PDE4D: variants seen among roughly 807,000 people sequenced by gnomAD.
The protein encoded by PDE4D is phosphodiesterase 4D.
PDE4D carries 24 observed loss-of-function variants against 87.4 expected under a neutral mutation model. The observed-to-expected ratio is 0.27, with a 90% CI of 0.20 to 0.39. The LOEUF (loss-of-function observed/expected upper bound fraction) is 0.39, where lower values mean the gene tolerates loss of function less well. Among genes scored for constraint, PDE4D ranks in the 10% least tolerant of loss-of-function variants. The probability of loss-of-function intolerance (pLI) is 1.00; values close to 1 mark genes in which losing one functional copy is unlikely to be tolerated. For missense variants in PDE4D, 714 were observed against 1,041.0 expected, an observed-to-expected ratio of 0.69 and a Z score of 4.32; for synonymous variants, 384 against 383.2, an observed-to-expected ratio of 1.00 and a Z score of -0.02.
intron 6 of PDE4D, among the ~76,000 whole-genome samples, chr5:58,997,081 C>T (rs187832050): frequency 7.9e-4 from 120 of 152,280 alleles, no homozygotes; most frequent in African/African-American, 2.3e-3. Flanking sequence ...GCAATTACTT[C>T]TCTACTCTAG....
chr5:60,049,968 G>A (rs992350854), intron 2 of PDE4D, among the ~76,000 whole-genome samples: 10 of 152,078 alleles, frequency 6.6e-5, no homozygotes, highest in East Asian at 1.9e-4. Context: ...CCCCAGCCTC[G>A]CTGCCACCTT....
chr5:60,068,255 C>T (rs1032226116), intron 2 of PDE4D, among the ~76,000 whole-genome samples: 1 of 152,016 alleles, frequency 6.6e-6, no homozygotes, highest in Admixed American at 6.6e-5. Context: ...TTAACAGTAG[C>T]CATTCTACTA....
intron 1 of PDE4D, among the ~76,000 whole-genome samples, chr5:59,570,046 C>T (rs887212799): frequency 2.6e-5 from 4 of 152,304 alleles, no homozygotes; most frequent in South Asian, 2.1e-4. Flanking sequence ...ATGAGGTTAG[C>T]ACATTATTAT....
chr5:59,265,032 G>T (rs1204850921), intron 1 of PDE4D, among the ~76,000 whole-genome samples: 1 of 152,014 alleles, frequency 6.6e-6, no homozygotes. Context: ...ATAATAATCT[G>T]TGAATTACAC....
At chr5:59,678,827 A>G (rs1748547620) in intron 1 of PDE4D, among the ~76,000 whole-genome samples, 1 of 152,186 alleles carries the variant, frequency 6.6e-6, no homozygotes, top group South Asian at 2.1e-4. Context: ...AAATACATAA[A>G]ATAATCTTTG....
chr5:60,240,650 C>G (rs1026076420), intron 1 of PDE4D, among the ~76,000 whole-genome samples: 8 of 152,138 alleles, frequency 5.3e-5, no homozygotes, highest in African/African-American at 1.7e-4. Context: ...TCTGTCACCC[C>G]ACCCCTAGCC....
At chr5:60,244,929 C>T (rs1747579531) in intron 1 of PDE4D, among the ~76,000 whole-genome samples, 1 of 151,884 alleles carries the variant, frequency 6.6e-6, no homozygotes, top group Non-Finnish European at 1.5e-5. Context: ...GCAACCAAAA[C>T]AGAAGTGGAC....
chr5:59,969,994 G>A (rs1419679544), intron 3 of PDE4D, among the ~76,000 whole-genome samples: 1 of 152,192 alleles, frequency 6.6e-6, no homozygotes, highest in Non-Finnish European at 1.5e-5. Flanking sequence ...AACAAAGACA[G>A]TAACTTCTGG....
chr5:60,249,784 C>G (rs190510870), intron 1 of PDE4D, among the ~76,000 whole-genome samples: 3 of 152,056 alleles, frequency 2.0e-5, no homozygotes, highest in Admixed American at 2.0e-4. Context: ...GTATTCATCA[C>G]CCTTGTCACT....
intron 1 of PDE4D, among the ~76,000 whole-genome samples, chr5:60,327,136 T>C (rs1009666045): frequency 1.3e-5 from 2 of 151,126 alleles, no homozygotes; most frequent in Non-Finnish European, 3.0e-5. Context: ...TGACATAAGA[T>C]AGATTAATAG....
rs986596928 is a variant in PDE4D at position 59,537,773 on chromosome 5, G to C, written c.456-321805C>G. Among the ~76,000 whole-genome samples, 8 of 152,112 alleles carry C rather than the reference G, an allele frequency of 5.3e-5. No homozygotes were observed. The East Asian group carries it at 7.7e-4, about 15-fold the overall frequency. On this transcript the variant is annotated intron_variant, in intron 1 of 14. Transcript: ENST00000340635. ...ACATTCCAATTTAAATATTTTATTTGAAAATTCACTGCTATAATAACACTA... is the reference window on the plus strand; with the variant it reads ...ACATTCCAATTTAAATATTTTATTTCAAAATTCACTGCTATAATAACACTA...
chr5:59,179,748 G>T, intron 5 of PDE4D: 1 of 368,460 alleles, frequency 2.7e-6, no homozygotes, highest in Non-Finnish European at 5.2e-6. Context: ...ATCCAATGAC[G>T]AATTGTTTTA....
intron 1 of PDE4D, among the ~76,000 whole-genome samples, chr5:60,433,710 G>T (rs575380841): frequency 1.3e-5 from 2 of 152,266 alleles, no homozygotes; most frequent in East Asian, 3.9e-4. Flanking sequence ...AGAAAATGTG[G>T]TACATATACA....
At chr5:60,123,319 A>T (rs1778851314) in intron 2 of PDE4D, among the ~76,000 whole-genome samples, 1 of 152,218 alleles carries the variant, frequency 6.6e-6, no homozygotes, top group South Asian at 2.1e-4. Context: ...CATTGCTTAT[A>T]AAGACATACC....
intron 5 of PDE4D, among the ~76,000 whole-genome samples, chr5:59,078,225 C>T (rs546236920): frequency 2.0e-4 from 30 of 152,250 alleles, no homozygotes; most frequent in African/African-American, 7.0e-4. Context: ...AAAGGATAAA[C>T]TTGATATACA....
At chr5:59,717,618 T>A (rs955719827) in intron 1 of PDE4D, among the ~76,000 whole-genome samples, 2 of 152,164 alleles carry the variant, frequency 1.3e-5, no homozygotes, top group Non-Finnish European at 2.9e-5. Flanking sequence ...TTAGGATAGA[T>A]CCAATGTTAC....
In PDE4D at chr5:60,397,855, C is replaced by T. The variant is rs540939889; in HGVS notation, c.-90+90087G>A. Among the ~76,000 whole-genome samples the T allele has an allele frequency of 7.9e-5, 12 of 152,274 alleles. No individual in the cohort carries two copies. In the South Asian group the frequency reaches 2.3e-3, roughly 29 times the overall value. On this transcript the variant is annotated intron_variant, in intron 1 of 16. Transcript: ENST00000502484. ...GGAAAACCATCAGATAAAATAATTCCTTATAGTATAATTTAATCACATTAT... is the reference window on the plus strand; with the variant it reads ...GGAAAACCATCAGATAAAATAATTCTTTATAGTATAATTTAATCACATTAT...
At chr5:59,706,679 C>T (rs1183863947) in intron 1 of PDE4D, among the ~76,000 whole-genome samples, 1 of 152,056 alleles carries the variant, frequency 6.6e-6, no homozygotes, top group African/African-American at 2.4e-5. Context: ...GTATCCTTTG[C>T]TTATAGGACA....
In PDE4D at chr5:60,465,869, C is replaced by T. The variant is rs139439714; in HGVS notation, c.-90+22073G>A. Reference sequence around the variant, plus strand: ...TGAATATCTCTTGTAATTTTAAATGCTGCAGTGAAAGTGAAAAAAAAAAAA... The same window carrying T: ...TGAATATCTCTTGTAATTTTAAATGTTGCAGTGAAAGTGAAAAAAAAAAAA... On this transcript the variant is annotated intron_variant, in intron 1 of 16. Transcript: ENST00000502484. 3.8e-3 allele frequency among the ~76,000 whole-genome samples: 573 copies of T among 149,346 alleles called. 6 individuals carry two copies. Among genetic ancestry groups the T allele is most frequent in the African/African-American group, 0.014 (552 of 40,558 alleles).
Sources: gnomAD v4.1 joint callset for allele counts (sites outside exome capture counted in the v4.1 genomes callset) on GRCh38, gnomAD v4.1.1 for gene constraint, MANE v1.5 for transcripts, NCBI Gene and HGNC (gene_info 2026-07-23, HGNC 2026-07-21) for gene names.